MS4A6E: variants seen among roughly 807,000 people sequenced by gnomAD.
MS4A6E encodes membrane spanning 4-domains A6E, also known as membrane-spanning 4-domains subfamily A member 6E.
MS4A6E carries 8 observed loss-of-function variants against 13.2 expected under a neutral mutation model. The observed-to-expected ratio is 0.60, with a 90% CI of 0.35 to 1.09. The LOEUF is 1.09. MS4A6E is among the 50% of genes least tolerant of loss of function. The probability of loss-of-function intolerance (pLI) is 0.02; values close to 1 mark genes in which losing one functional copy is unlikely to be tolerated. For missense variants in MS4A6E, 177 were observed against 171.1 expected, an observed-to-expected ratio of 1.03 and a Z score of -0.19; for synonymous variants, 72 against 67.6, an observed-to-expected ratio of 1.06 and a Z score of -0.32.
chr11:60,348,264 A>C lies in MS4A6E; in HGVS notation c.*162+7336A>C, dbSNP rs2085264570. Among the ~76,000 whole-genome samples, 4 of 152,320 alleles carry C rather than the reference A, an allele frequency of 2.6e-5. No individual in the cohort carries two copies. In the South Asian group the frequency reaches 8.3e-4, roughly 32 times the overall value. ...ATTGGAAAAGCTAGAGTGTTTCAGC[A>C]AAGGACTGACAATGTGCCCAGTGAG... On this transcript the variant is annotated intron_variant and NMD_transcript_variant, in intron 4 of 4. Transcript: ENST00000532756.
intron 1 of MS4A6E, among the ~76,000 whole-genome samples, chr11:60,328,581 A>G (rs1231113634): frequency 6.6e-6 from 1 of 152,066 alleles, no homozygotes; most frequent in African/African-American, 2.4e-5. Context: ...GACTTAAAAA[A>G]GGAGATCTTG....
At chr11:60,330,052 C>G (rs1166714918) in intron 1 of MS4A6E, among the ~76,000 whole-genome samples, 1 of 150,362 alleles carries the variant, frequency 6.7e-6, no homozygotes, top group Non-Finnish European at 1.5e-5. Flanking sequence ...GTTTTGATCT[C>G]CTGACCTCAT....
intron 1 of MS4A6E, 85 bp from the exon 2 acceptor site, chr11:60,334,796 AT>A: frequency 1.4e-6 from 2 of 1,429,958 alleles, no homozygotes; most frequent in Non-Finnish European, 1.9e-6. Context: ...GTCTGGACTA[AT>A]TGGCAGAAAC....
chr11:60,345,911 G>T (rs1486139286), downstream of MS4A6E, among the ~76,000 whole-genome samples: 1 of 152,176 alleles, frequency 6.6e-6, no homozygotes, highest in African/African-American at 2.4e-5. Context: ...TGCCCCTCAC[G>T]TTCATGCTAT....
chr11:60,339,774 A>G, intron 3 of MS4A6E, 92 bp from the exon 4 acceptor site: 1 of 1,026,330 alleles, frequency 9.7e-7, no homozygotes, highest in Non-Finnish European at 1.5e-6. Flanking sequence ...CTAATGGTTG[A>G]GGTGGTCTTC....
At chr11:60,335,863 A>G (rs2085185823) in intron 2 of MS4A6E, among the ~76,000 whole-genome samples, 1 of 152,142 alleles carries the variant, frequency 6.6e-6, no homozygotes, top group Admixed American at 6.5e-5. Flanking sequence ...AACATGCAGT[A>G]TTTGGTTTTG....
At chr11:60,336,692 T>A (rs370060665) in intron 2 of MS4A6E, among the ~76,000 whole-genome samples, 2 of 152,136 alleles carry the variant, frequency 1.3e-5, no homozygotes, top group East Asian at 3.8e-4. Context: ...TGTTGGGAAA[T>A]TGGGGTCCCA....
At chr11:60,342,144 A>AGTGT (rs757687887), downstream of MS4A6E, among the ~76,000 whole-genome samples, 3,291 of 123,944 alleles carry the variant, frequency 0.027, 58 homozygotes, top group Middle Eastern at 0.05. Flanking sequence ...AGGATAAACA[A>AGTGT]GTGTGTGTGT....
intron 2 of MS4A6E, chr11:60,335,782 G>A (rs2085185212): frequency 3.2e-6 from 1 of 316,844 alleles, no homozygotes; most frequent in Non-Finnish European, 6.2e-6. Context: ...TGATAATAGA[G>A]CTGTGAATCT....
chr11:60,343,087 G>A (rs754881456), downstream of MS4A6E, among the ~76,000 whole-genome samples: 2 of 151,266 alleles, frequency 1.3e-5, no homozygotes, highest in Non-Finnish European at 2.9e-5. Context: ...GAAGAAAGGC[G>A]TGTCCGTGTG....
downstream of MS4A6E, among the ~76,000 whole-genome samples, chr11:60,344,790 T>C (rs556005006): frequency 6.6e-6 from 1 of 152,206 alleles, no homozygotes; most frequent in South Asian, 2.1e-4. Flanking sequence ...ACCTATTTCC[T>C]TCAGCTACTT....
intron 2 of MS4A6E, among the ~76,000 whole-genome samples, 188 bp from the exon 3 acceptor site, chr11:60,337,553 A>G (rs2085195126): frequency 1.3e-5 from 2 of 152,180 alleles, no homozygotes; most frequent in Admixed American, 1.3e-4. Flanking sequence ...TCATTCATTC[A>G]GCCAAGTTTT....
chr11:60,336,251 C>T (rs983105874), intron 2 of MS4A6E, among the ~76,000 whole-genome samples: 42 of 152,288 alleles, frequency 2.8e-4, no homozygotes, highest in Admixed American at 2.0e-3. Context: ...TACAATATGG[C>T]GGTCACATGT....
chr11:60,343,872 G>C (rs2085244058), downstream of MS4A6E, among the ~76,000 whole-genome samples: 1 of 152,148 alleles, frequency 6.6e-6, no homozygotes, highest in Non-Finnish European at 1.5e-5. Context: ...ATGTATGCAG[G>C]AATTAATACC....
chr11:60,339,764 C>A (rs2085211650), intron 3 of MS4A6E, 102 bp from the exon 4 acceptor site: 1 of 969,966 alleles, frequency 1.0e-6, no homozygotes, highest in African/African-American at 1.6e-5. Flanking sequence ...ACTTCATTCT[C>A]TAATGGTTGA....
At chr11:60,335,614 G>A in intron 2 of MS4A6E, 1 of 454,994 alleles carries the variant, frequency 2.2e-6, no homozygotes, top group Non-Finnish European at 4.4e-6. Flanking sequence ...CAGAGTTTTG[G>A]TTTCTAGAAT....
chr11:60,334,173 G>C (rs1353249365), intron 1 of MS4A6E, among the ~76,000 whole-genome samples: 1 of 152,170 alleles, frequency 6.6e-6, no homozygotes, highest in Non-Finnish European at 1.5e-5. Context: ...TGAGAACAAA[G>C]GCAAGCACCC....
intron 4 of MS4A6E, among the ~76,000 whole-genome samples, chr11:60,347,743 C>T (rs1238354097): frequency 1.3e-5 from 2 of 152,086 alleles, no homozygotes; most frequent in Non-Finnish European, 2.9e-5. Flanking sequence ...CATAACCCCC[C>T]ACCCCAGCCA....
chr11:60,340,096 T>A, intron 4 of MS4A6E, 132 bp downstream of exon 4: 3 of 1,357,988 alleles, frequency 2.2e-6, no homozygotes, highest in Non-Finnish European at 3.0e-6. Context: ...GTCATTTAAA[T>A]GGTGATGGAA....
Sources: gnomAD v4.1 joint callset for allele counts (sites outside exome capture counted in the v4.1 genomes callset) on GRCh38, gnomAD v4.1.1 for gene constraint, MANE v1.5 for transcripts, NCBI Gene and HGNC (gene_info 2026-07-23, HGNC 2026-07-21) for gene names.